Variants in UTY observed in about 807,000 individuals in gnomAD.
UTY encodes the protein histone demethylase UTY.
Under a neutral mutation model 32.5 loss-of-function variants are expected in UTY, and 12 were observed. That is an observed-to-expected ratio of 0.37 (90% CI 0.24 to 0.60). UTY has a LOEUF of 0.60. UTY is among the 20% of genes least tolerant of loss of function. UTY has a pLI of 0.69. For missense variants in UTY, 303 were observed against 299.2 expected, an observed-to-expected ratio of 1.01 and a Z score of -0.09; for synonymous variants, 131 against 103.4, an observed-to-expected ratio of 1.27 and a Z score of -1.62.
intron 27 of UTY, among the ~76,000 whole-genome samples, chrY:13,285,394 G>A: frequency 2.9e-5 from 1 of 33,940 alleles, no homozygotes; most frequent in South Asian, 6.5e-4. Flanking sequence ...TGCAATTAGA[G>A]CCCTGCAAAA....
chrY:13,255,874 G>T (rs2054685348), intron 28 of UTY, among the ~76,000 whole-genome samples: 1 of 33,547 alleles, frequency 3.0e-5, no homozygotes, highest in Non-Finnish European at 7.4e-5. Flanking sequence ...GAAGTATGTA[G>T]GGCAAGCAAT....
chrY:13,275,553 C>G (rs2056619106), intron 27 of UTY, among the ~76,000 whole-genome samples: 1 of 34,013 alleles, frequency 2.9e-5, no homozygotes, highest in Non-Finnish European at 7.3e-5. Context: ...CTACAACTAA[C>G]TCATTTGTCT....
chrY:13,283,263 A>G (rs757277003), intron 27 of UTY, among the ~76,000 whole-genome samples: 26 of 33,727 alleles, frequency 7.7e-4, no homozygotes, highest in African/African-American at 3.0e-3. Context: ...AGATTGCATG[A>G]TACTTTGGTT....
At chrY:13,377,938 C>G (rs2065563342) in intron 8 of UTY, among the ~76,000 whole-genome samples, 1 of 32,143 alleles carries the variant, frequency 3.1e-5, no homozygotes, top group Non-Finnish European at 7.6e-5. Context: ...TTGTTGGTAG[C>G]CAACCTACCA....
intron 8 of UTY, among the ~76,000 whole-genome samples, chrY:13,383,501 G>A: frequency 3.5e-5 from 1 of 28,227 alleles, no homozygotes; most frequent in African/African-American, 1.4e-4. Context: ...GGCTGATGTA[G>A]GAGAATGGCA....
At chrY:13,393,379 T>C (rs112110281) in intron 8 of UTY, 4 of 33,422 alleles carry the variant, frequency 1.2e-4, no homozygotes, top group African/African-American at 4.6e-4. Flanking sequence ...TTTGAAATGG[T>C]ATGATGCTTA....
chrY:13,436,389 G>C, intron 4 of UTY, among the ~76,000 whole-genome samples: 1 of 33,053 alleles, frequency 3.0e-5, no homozygotes, highest in Admixed American at 2.7e-4. Context: ...TGGGGCTACC[G>C]CATACAGCTG....
At position 13,323,335 on chromosome Y, in the gene UTY, G is replaced by A. The variant is rs1455266005; in HGVS notation, c.3276+220C>T. ...CGCTTGAACCCAGGAGGCGGAGGCT[G>A]CAGTGAGCTGAGATCACACCATTGC... On this transcript the variant is annotated intron_variant, in intron 21 of 29. Coordinates refer to ENST00000545955, the MANE Select transcript of UTY (RefSeq NM_001258249.2). 2.9e-5 allele frequency: 3 copies of A among 104,192 alleles called. No individual in the cohort carries two copies. The Admixed American group carries it at 4.5e-4, about 16-fold the overall frequency. 26.0% of individuals were successfully genotyped at this position (104,192 alleles called of 400,897 possible).
Position 13,369,239 on chromosome Y carries a change from T to G in UTY, c.739+17A>C. 1.2e-5 allele frequency: 4 copies of G among 337,703 alleles called. No homozygotes were observed. Among genetic ancestry groups the G allele is most frequent in the Non-Finnish European group, 1.6e-5 (4 of 245,209 alleles). 84.2% of individuals were successfully genotyped at this position (337,703 alleles called of 400,897 possible). A position where few individuals can be genotyped will look rare whatever the true frequency, so the allele number is the denominator to read the frequency against. On this transcript the variant is annotated intron_variant, in intron 9 of 29. Transcript: ENST00000545955. Reference sequence around the variant, plus strand: ...CTCTTCAAATTAATGTAATGTATAATAAAAGTTTTCATGTACCTAACTGTT... The same window carrying G: ...CTCTTCAAATTAATGTAATGTATAAGAAAAGTTTTCATGTACCTAACTGTT...
At chrY:13,368,105 G>A (rs2064404095) in intron 9 of UTY, among the ~76,000 whole-genome samples, 1 of 20,136 alleles carries the variant, frequency 5.0e-5, no homozygotes, top group Non-Finnish European at 1.1e-4. Flanking sequence ...TCGCTCTGTC[G>A]CCCAGGCTGG....
At chrY:13,371,355 CCA>C (rs770242542) in intron 8 of UTY, among the ~76,000 whole-genome samples, 52 of 29,833 alleles carry the variant, frequency 1.7e-3, no homozygotes, top group South Asian at 0.015. Context: ...GCATACACAA[CCA>C]CACACACACA....
intron 18 of UTY, among the ~76,000 whole-genome samples, chrY:13,332,174 A>G (rs2060735853): frequency 2.9e-5 from 1 of 34,027 alleles, no homozygotes; most frequent in African/African-American, 1.1e-4. Flanking sequence ...AGACGTACAA[A>G]AAGGAGCTGG....
chrY:13,345,915 AAG>A (rs760303738), intron 17 of UTY, among the ~76,000 whole-genome samples: 1 of 33,090 alleles, frequency 3.0e-5, no homozygotes, highest in African/African-American at 1.2e-4. Context: ...GTAAACAAAA[AAG>A]AAGTATTCCC....
chrY:13,395,138 T>G (rs909594024), intron 7 of UTY, among the ~76,000 whole-genome samples: 1 of 33,426 alleles, frequency 3.0e-5, no homozygotes, highest in Non-Finnish European at 7.4e-5. Context: ...AAGAAAAATC[T>G]TTTTGTGTGA....
intron 6 of UTY, among the ~76,000 whole-genome samples, chrY:13,400,499 A>C (rs2068841980): frequency 3.0e-5 from 1 of 33,417 alleles, no homozygotes; most frequent in African/African-American, 1.2e-4. Flanking sequence ...CTGTGTTTGC[A>C]GGGACCTTAG....
intron 24 of UTY, chrY:13,304,180 A>G: frequency 8.8e-6 from 1 of 113,548 alleles, no homozygotes; most frequent in Non-Finnish European, 1.9e-5. Context: ...AAGAGAACTT[A>G]CCTGTGAAAC....
intron 4 of UTY, among the ~76,000 whole-genome samples, chrY:13,446,611 T>TAGACAGACAGACAGACAGAC: frequency 6.1e-5 from 1 of 16,413 alleles, no homozygotes; most frequent in African/African-American, 3.2e-4. Flanking sequence ...GATAGATAGA[T>TAGACAGACAGACAGACAGAC]AGATAGATAG....
At chrY:13,400,579 G>A in intron 6 of UTY, among the ~76,000 whole-genome samples, 1 of 32,713 alleles carries the variant, frequency 3.1e-5, no homozygotes, top group East Asian at 7.8e-4. Flanking sequence ...GACATTCATC[G>A]CAAAGTTCTC....
At chrY:13,441,636 A>G in intron 4 of UTY, among the ~76,000 whole-genome samples, 1 of 33,716 alleles carries the variant, frequency 3.0e-5, no homozygotes. Context: ...AGAGAAAATA[A>G]AAAGGGTAAA....
Sources: allele counts gnomAD v4.1 joint callset (sites outside exome capture counted in the v4.1 genomes callset), GRCh38; gene constraint gnomAD v4.1.1; transcripts MANE v1.5; gene names NCBI Gene and HGNC (gene_info 2026-07-23, HGNC 2026-07-21).